Variants in COL27A1 observed in about 807,000 individuals in gnomAD.
The protein encoded by COL27A1 is collagen alpha-1(XXVII) chain.
In COL27A1, 106 loss-of-function variants were observed where a neutral mutation model predicts 251.3. The ratio of observed to expected loss-of-function variants is 0.42; its 90% CI spans 0.36 to 0.50. The LOEUF is 0.50. COL27A1 is among the 20% of genes least tolerant of loss of function. The pLI is 0.00. For missense variants in COL27A1, 2,325 were observed against 2,522.8 expected (o/e 0.92, Z 1.68); for synonymous variants, 1,000 against 986.3 (o/e 1.01, Z -0.26).
At chr9:114,227,689 C>T (rs925003285) in intron 14 of COL27A1, among the ~76,000 whole-genome samples, 7 of 151,948 alleles carry the variant, frequency 4.6e-5, no homozygotes, top group African/African-American at 7.2e-5. Context: ...CAGACAGGAC[C>T]GATTGTGTTC....
intron 35 of COL27A1, 130 bp downstream of exon 35, chr9:114,269,424 A>G: frequency 1.7e-6 from 1 of 594,036 alleles, no homozygotes; most frequent in Non-Finnish European, 2.9e-6. Flanking sequence ...ATGAATGTCT[A>G]CAGCCTCGCC....
chr9:114,180,360 C>A (rs193206143), intron 4 of COL27A1, among the ~76,000 whole-genome samples: 1 of 152,236 alleles, frequency 6.6e-6, no homozygotes, highest in Non-Finnish European at 1.5e-5. Flanking sequence ...TCCCTTCTGT[C>A]CTTCTAGGCT....
At chr9:114,245,719 TG>T in intron 23 of COL27A1, 146 bp from the exon 24 acceptor site, 1 of 757,018 alleles carries the variant, frequency 1.3e-6, no homozygotes, top group South Asian at 1.5e-5. Flanking sequence ...GCCCATTTGT[TG>T]GGGGTCTCCA....
intron 49 of COL27A1, among the ~76,000 whole-genome samples, chr9:114,297,909 T>C (rs1419364319): frequency 6.6e-6 from 1 of 152,202 alleles, no homozygotes; most frequent in East Asian, 1.9e-4. Flanking sequence ...CAATTATATG[T>C]CTATACACTA....
rs532907733 is a variant in COL27A1, at chr9:114,165,734, G to C, written c.134-1955G>C. 6.4e-4 allele frequency among the ~76,000 whole-genome samples: 76 copies of C among 118,464 alleles called. No individual in the cohort carries two copies. The East Asian group carries it at 0.017, about 27-fold the overall frequency. 77.7% of individuals were successfully genotyped at this position (118,464 alleles called of 152,430 possible). On this transcript the variant is annotated intron_variant, in intron 2 of 60. Coordinates refer to ENST00000356083, the MANE Select transcript of COL27A1 (RefSeq NM_032888.4). ...CATTCATCCATTTATCTATTCATTCGTCCATTATACATCCATCCATCTACC... is the reference window on the plus strand; with the variant it reads ...CATTCATCCATTTATCTATTCATTCCTCCATTATACATCCATCCATCTACC...
intron 7 of COL27A1, among the ~76,000 whole-genome samples, chr9:114,203,927 G>A (rs1009907446): frequency 3.3e-5 from 5 of 152,150 alleles, no homozygotes; most frequent in Non-Finnish European, 7.3e-5. Flanking sequence ...AGTGTTCTCT[G>A]TAAAATGGAG....
Position 114,261,057 on chromosome 9 carries a change from T to C in COL27A1, c.3195+2463T>C, listed in dbSNP as rs77064316. On this transcript the variant is annotated intron_variant, in intron 28 of 60. Coordinates refer to ENST00000356083, the MANE Select transcript of COL27A1 (RefSeq NM_032888.4). The stretch of plus-strand genomic sequence containing the variant: ...TTCACTTCCCCCTCCGTAAAACGGG[T>C]TGGCAACAGAACAAAGCTGGTGGGC... 3.3e-3 allele frequency among the ~76,000 whole-genome samples: 509 copies of C among 152,314 alleles called. 1 individual carries two copies. Among genetic ancestry groups the C allele is most frequent in the African/African-American group, 0.011 (475 of 41,582 alleles).
At position 114,231,854 on chromosome 9, in the gene COL27A1, G is replaced by A. The variant is rs780026251; in HGVS notation, c.2553G>A (p.Leu851=). 6.2e-6 allele frequency: 10 copies of A among 1,614,080 alleles called. No homozygotes were observed. Among genetic ancestry groups the A allele is most frequent in the Non-Finnish European group, 8.5e-6 (10 of 1,180,020 alleles). The part of the protein sequence containing the change: ...GLMGSVGEPG[L]KGDKGEQGVP... ...TGGGCAGCGTGGGGGAGCCCGGACT[G>A]AAAGGTGATAAGGTGATCTGAATAC... Residue 851 remains leucine (L), a synonymous_variant, in exon 16 of 61, where the codon CTG becomes CTA. Transcript: ENST00000356083.
intron 49 of COL27A1, among the ~76,000 whole-genome samples, chr9:114,292,601 G>C (rs898556845): frequency 6.6e-6 from 1 of 152,162 alleles, no homozygotes; most frequent in African/African-American, 2.4e-5. Context: ...AATAAACAGG[G>C]CAAATAGAAA....
Position 114,168,139 on chromosome 9 carries a change from G to C in COL27A1, c.584G>C (p.Gly195Ala). Residue 195 changes from glycine (G) to alanine (A), a missense_variant, in exon 3 of 61, where the codon GGC becomes GCC. Coordinates refer to ENST00000356083, the MANE Select transcript of COL27A1 (RefSeq NM_032888.4). ...FHRDPALDPG[G>A]SFLFGKMNPH... is the part of the protein sequence containing the mutation. ...AGGGACCCTGCACTCGACCCTGGGG[G>C]CTCCTTCCTCTTTGGGAAGATGAAC... is the stretch of plus-strand genomic sequence containing the variant. 1 of 1,613,106 alleles carries C rather than the reference G, an allele frequency of 6.2e-7. No individual in the cohort carries two copies. Among genetic ancestry groups the C allele is most frequent in the Non-Finnish European group, 8.5e-7 (1 of 1,180,026 alleles).
At chr9:114,243,741 G>A (rs1832920533) in intron 23 of COL27A1, among the ~76,000 whole-genome samples, 181 bp downstream of exon 23, 1 of 152,088 alleles carries the variant, frequency 6.6e-6, no homozygotes, top group Non-Finnish European at 1.5e-5. Flanking sequence ...GTCCAACTGT[G>A]GGGGATTGTT....
At chr9:114,206,109 T>C in intron 9 of COL27A1, 143 bp from the exon 10 acceptor site, 2 of 815,054 alleles carry the variant, frequency 2.5e-6, no homozygotes, top group East Asian at 5.3e-5. Flanking sequence ...GCTGTGGGGG[T>C]CAGGCCAAAG....
Position 114,166,432 on chromosome 9 carries a change from C to CACCT in COL27A1, c.134-1256_134-1255insCCTA, listed in dbSNP as rs1848886259. ...CTATCCATTTATCCATTCATCCATC[C>CACCT]ATCCATTCATCTATCCATCCATCCA... On this transcript the variant is annotated intron_variant, in intron 2 of 60. Transcript: ENST00000356083. 4.9e-5 allele frequency among the ~76,000 whole-genome samples: 7 copies of CACCT among 141,492 alleles called. No homozygotes were observed. In the South Asian group the frequency reaches 1.5e-3, roughly 30 times the overall value. The allele number at this position is 141,492 out of a possible 152,430, so 92.8% of individuals were successfully genotyped here.
At chr9:114,234,168 A>G (rs1254297384) in intron 16 of COL27A1, among the ~76,000 whole-genome samples, 3 of 121,414 alleles carry the variant, frequency 2.5e-5, no homozygotes, top group East Asian at 4.8e-4. Flanking sequence ...TTGTTTTTCT[A>G]TTTTCACTCC....
rs1247471199 is a variant in COL27A1 at position 114,301,713 on chromosome 9, C to A, written c.4841C>A (p.Pro1614His). ...GPPGPRGRPG[P>H]PGPPGGPIQL... ...CCCGGCCCCAGAGGGCGGCCCGGCC[C>A]CCCGGTAGGTAACTGAGTGCTGGGT... The change falls in exon 55 of 61, where the codon CCC becomes CAC. Residue 1614 changes from proline (P) to histidine (H), a missense_variant. By Grantham distance (77) the Pro-to-His change is moderately conservative (BLOSUM62 -2). Transcript: ENST00000356083. 2 of 1,612,136 alleles carry A rather than the reference C, an allele frequency of 1.2e-6. No individual in the cohort carries two copies. Among genetic ancestry groups the A allele is most frequent in the East Asian group, 2.2e-5 (1 of 44,848 alleles).
chr9:114,170,131 G>A (rs1363024984), intron 3 of COL27A1, among the ~76,000 whole-genome samples: 4 of 152,220 alleles, frequency 2.6e-5, no homozygotes, highest in Non-Finnish European at 4.4e-5. Flanking sequence ...TCTCCTGACT[G>A]AGTCTTCCGA....
chr9:114,300,776 T>C, intron 51 of COL27A1, 89 bp downstream of exon 51: 2 of 1,134,638 alleles, frequency 1.8e-6, no homozygotes, highest in Non-Finnish European at 1.2e-6. Context: ...CATCCTCCTC[T>C]TGCTCCTTGA....
At chr9:114,243,583 G>A in intron 23 of COL27A1, 23 bp downstream of exon 23, 3 of 1,599,716 alleles carry the variant, frequency 1.9e-6, no homozygotes, top group Non-Finnish European at 2.6e-6. Context: ...GGAGATCCCT[G>A]GGGACAAGAG....
intron 3 of COL27A1, among the ~76,000 whole-genome samples, chr9:114,174,106 T>C (rs1257082007): frequency 2.0e-5 from 3 of 152,052 alleles, no homozygotes; most frequent in Admixed American, 1.3e-4. Context: ...GCCTCCTAAG[T>C]ACCTGGGATT....
Sources: gnomAD v4.1 joint callset for allele counts (sites outside exome capture counted in the v4.1 genomes callset) on GRCh38, gnomAD v4.1.1 for gene constraint, MANE v1.5 for transcripts, NCBI Gene and HGNC (gene_info 2026-07-23, HGNC 2026-07-21) for gene names.